The following GAS5 variants were observed in gnomAD, a reference collection of about 807,000 sequenced individuals.
GAS5 encodes the protein growth arrest specific 5 (non-protein coding).
At chr1:173,866,882 C>T in intron 1 of GAS5, 1 of 765,490 alleles carries the variant, frequency 1.3e-6, no homozygotes, top group Non-Finnish European at 2.4e-6. Context: ...ACATTAAAGC[C>T]TCAGAATAGA....
upstream of GAS5, chr1:173,868,282 AGG>A (rs998244934): frequency 1.3e-5 from 2 of 152,658 alleles, no homozygotes; most frequent in Non-Finnish European, 2.9e-5. Flanking sequence ...GGATGGGGGA[AGG>A]GGGGGCGGTG....
intron 6 of GAS5, chr1:173,864,846 C>T (rs546444343): frequency 1.5e-5 from 8 of 519,010 alleles, no homozygotes; most frequent in South Asian, 7.0e-5. Context: ...CAGATAGGAG[C>T]GAAAGACTTA....
rs138320468 is a variant in GAS5, at chr1:173,866,518, G to C, written n.131+10C>G. 405 of 698,660 alleles carry C rather than the reference G, an allele frequency of 5.8e-4. 2 individuals carry two copies. In the African/African-American group the frequency reaches 6.2e-3, roughly 11 times the overall value. 43.3% of individuals were successfully genotyped at this position (698,660 alleles called of 1,614,324 possible). ...TTAAAAGTGAGAAGTACAAAATAGA[G>C]GTGTCTCACCTGTGTGCCAATGGCT... On this transcript the variant is annotated intron_variant and non_coding_transcript_variant, in intron 3 of 7. Transcript: ENST00000651080.
At chr1:173,868,985 G>A (rs777842602), upstream of GAS5, 9 of 152,626 alleles carry the variant, frequency 5.9e-5, no homozygotes, top group Non-Finnish European at 8.8e-5. Context: ...TCCTCACTGG[G>A]GAATTGCCGG....
At chr1:173,867,795 C>G (rs1557876360), upstream of GAS5, 3 of 518,908 alleles carry the variant, frequency 5.8e-6, no homozygotes, top group Non-Finnish European at 1.2e-5. Flanking sequence ...ATAGTCGCAG[C>G]TTAGGTCACG....
At chr1:173,864,979 G>A in intron 6 of GAS5, 1 of 505,094 alleles carries the variant, frequency 2.0e-6, no homozygotes, top group Non-Finnish European at 4.0e-6. Flanking sequence ...AGCACTTTGG[G>A]AGGTCAGTGC....
intron 5 of GAS5, chr1:173,865,648 G>C (rs1365973344): frequency 1.9e-6 from 1 of 519,068 alleles, no homozygotes; most frequent in Admixed American, 1.9e-5. Context: ...TTGTCTACAT[G>C]CTCATTTCAG....
chr1:173,867,272 T>C (rs1654888851), upstream of GAS5: 2 of 501,984 alleles, frequency 4.0e-6, no homozygotes, highest in East Asian at 3.3e-5. Flanking sequence ...GTAATCCCAG[T>C]ATGTTGGGGG....
At position 173,866,461 on chromosome 1, in the gene GAS5, A is replaced by G. The variant is rs768970762; in HGVS notation, n.131+67T>C. Reference sequence around the variant, plus strand: ...AGGGGAGAGAAGCACTAACATAGATAATCATCATTGCTTTGGCTATTTTCT... The same window carrying G: ...AGGGGAGAGAAGCACTAACATAGATGATCATCATTGCTTTGGCTATTTTCT... On this transcript the variant is annotated intron_variant and non_coding_transcript_variant, in intron 3 of 7. Coordinates refer to ENST00000651080, the Ensembl canonical transcript of GAS5. 2.1e-4 allele frequency: 131 copies of G among 632,240 alleles called. 1 individual carries two copies. The highest frequency in any genetic ancestry group is 1.2e-3 in the South Asian group (84 of 68,244). The allele number at this position is 632,240 out of a possible 1,614,324, so 39.2% of individuals were successfully genotyped here. A position where few individuals can be genotyped will look rare whatever the true frequency, so the allele number is the denominator to read the frequency against.
intron 4 of GAS5, chr1:173,866,006 G>C (rs1654544207): frequency 1.9e-6 from 1 of 519,078 alleles, no homozygotes. Context: ...TGTTCAGTCA[G>C]CATTTGCTTA....
At chr1:173,866,924 A>C (rs748761612) in intron 1 of GAS5, 1 of 765,490 alleles carries the variant, frequency 1.3e-6, no homozygotes, top group Non-Finnish European at 2.4e-6. Context: ...CACTACTCTT[A>C]AAGCATCACA....
chr1:173,868,019 A>T (rs896253722), upstream of GAS5: 1 of 205,206 alleles, frequency 4.9e-6, no homozygotes, highest in Non-Finnish European at 1.0e-5. Flanking sequence ...CCTGTATATA[A>T]GAGTTCTTTT....
intron 3 of GAS5, chr1:173,866,284 C>T: frequency 2.0e-6 from 1 of 512,364 alleles, no homozygotes; most frequent in Non-Finnish European, 3.9e-6. Flanking sequence ...CCATTAACAG[C>T]AAACCACAAC....
At chr1:173,867,990 A>G (rs1210254552), upstream of GAS5, 1 of 325,792 alleles carries the variant, frequency 3.1e-6, no homozygotes, top group Non-Finnish European at 6.2e-6. Flanking sequence ...CCTCGAAAAG[A>G]CAGTATGGTG....
upstream of GAS5, chr1:173,867,317 C>G (rs113363379): frequency 6.7e-3 from 2,974 of 442,854 alleles, 84 homozygotes; most frequent in African/African-American, 0.055. Flanking sequence ...GTCAGGAGTT[C>G]AAGACCAGTC....
At chr1:173,866,217 A>C (rs1654585206) in intron 3 of GAS5, 1 of 482,928 alleles carries the variant, frequency 2.1e-6, no homozygotes, top group East Asian at 5.6e-5. Flanking sequence ...CTGTAATTTT[A>C]ATACAAAATT....
chr1:173,867,507 G>A (rs1654945858), upstream of GAS5: 1 of 373,038 alleles, frequency 2.7e-6, no homozygotes, highest in Admixed American at 3.2e-5. Context: ...ACGAGGCTCG[G>A]TCTCAAAAAA....
At chr1:173,864,411 A>C (rs201323376) in intron 6 of GAS5, 1 of 519,092 alleles carries the variant, frequency 1.9e-6, no homozygotes, top group South Asian at 1.4e-5. Context: ...TGATATCATT[A>C]TATTTCATTT....
At chr1:173,864,763 A>C (rs1416404571) in intron 6 of GAS5, 3 of 514,552 alleles carry the variant, frequency 5.8e-6, no homozygotes, top group Non-Finnish European at 1.2e-5. Flanking sequence ...AGTAATCCAA[A>C]ATCTCCAAAC....
Sources: gnomAD v4.1 joint callset for allele counts on GRCh38, gnomAD v4.1.1 for gene constraint, MANE v1.5 for transcripts, NCBI Gene and HGNC (gene_info 2026-07-23, HGNC 2026-07-21) for gene names.